PHF14: variants seen among roughly 807,000 people sequenced by gnomAD.
PHF14 encodes the protein PHD finger protein 14.
A neutral mutation model predicts 117.9 loss-of-function variants in PHF14; 55 were observed. That is an observed-to-expected ratio of 0.47 (90% CI 0.38 to 0.58). The LOEUF is 0.58. Ranked by LOEUF, PHF14 falls within the 20% of genes least tolerant of loss-of-function variation. The probability of loss-of-function intolerance (pLI) is 0.00; values close to 1 mark genes in which losing one functional copy is unlikely to be tolerated. For missense variants in PHF14, 978 were observed against 1,122.2 expected, an observed-to-expected ratio of 0.87 and a Z score of 1.84; for synonymous variants, 409 against 368.6, an observed-to-expected ratio of 1.11 and a Z score of -1.26.
At chr7:11,064,311 C>G (rs112671182) in intron 16 of PHF14, among the ~76,000 whole-genome samples, 1 of 151,822 alleles carries the variant, frequency 6.6e-6, no homozygotes, top group Non-Finnish European at 1.5e-5. Flanking sequence ...AATCACCCCC[C>G]AAAAGTCTAC....
At chr7:11,033,396 T>C (rs1334016081) in intron 7 of PHF14, among the ~76,000 whole-genome samples, 1 of 152,162 alleles carries the variant, frequency 6.6e-6, no homozygotes, top group Non-Finnish European at 1.5e-5. Flanking sequence ...TATCACCATC[T>C]TGACTGGATT....
Position 11,074,508 on chromosome 7 carries a change from C to A in PHF14, c.2654+12423C>A, listed in dbSNP as rs1245094361. ...TACAGGCATGAGCCACCGTGCCTGG[C>A]CCCGTTAGTTCCAACTTTAAGTCAT... On this transcript the variant is annotated intron_variant, in intron 16 of 17. Coordinates refer to ENST00000634607, the MANE Select transcript of PHF14 (RefSeq NM_001007157.2). Among the ~76,000 whole-genome samples the A allele has an allele frequency of 2.0e-5, 3 of 152,180 alleles. No individual in the cohort carries two copies. In the East Asian group the frequency reaches 5.8e-4, roughly 29 times the overall value.
At chr7:10,987,806 G>A (rs1007745406) in intron 3 of PHF14, among the ~76,000 whole-genome samples, 13 of 151,818 alleles carry the variant, frequency 8.6e-5, no homozygotes, top group Non-Finnish European at 2.9e-5. Context: ...TAATAAATCA[G>A]GTTTTGTATT....
intron 7 of PHF14, among the ~76,000 whole-genome samples, chr7:11,032,391 T>C (rs1320503831): frequency 6.6e-6 from 1 of 152,196 alleles, no homozygotes; most frequent in East Asian, 1.9e-4. Context: ...TACACTGTTT[T>C]TACAAGTGCC....
intron 16 of PHF14, chr7:11,107,101 C>T (rs542249845): frequency 3.1e-6 from 3 of 982,708 alleles, no homozygotes; most frequent in Admixed American, 1.2e-4. Flanking sequence ...TTGTAGTTTA[C>T]TCCTCTAATG....
At chr7:11,016,628 A>G (rs1481535128) in intron 5 of PHF14, among the ~76,000 whole-genome samples, 1 of 152,082 alleles carries the variant, frequency 6.6e-6, no homozygotes, top group Non-Finnish European at 1.5e-5. Context: ...CATAGTAGAT[A>G]TGTATATTCA....
In PHF14 at chr7:11,042,369, TA is replaced by T. The variant is rs539425594; in HGVS notation, c.2181-312del. Among the ~76,000 whole-genome samples, 159 of 152,062 alleles carry T rather than the reference TA, an allele frequency of 1.0e-3. 1 individual carries two copies. The highest frequency in any genetic ancestry group is 3.7e-3 in the African/African-American group (155 of 41,568). On this transcript the variant is annotated intron_variant, in intron 12 of 17. Transcript: ENST00000634607. ...GAACTAATGTGAAATGGGTTTTAAG[TA>T]ATAACTAAAATTAAAATGAATATGA... is the stretch of plus-strand genomic sequence containing the variant.
At chr7:11,075,573 T>G (rs955317284) in intron 16 of PHF14, among the ~76,000 whole-genome samples, 2 of 146,800 alleles carry the variant, frequency 1.4e-5, no homozygotes, top group Non-Finnish European at 3.0e-5. Context: ...GGTTTTTTTT[T>G]TTTTTTTTTT....
chr7:11,101,851 C>T (rs1787105616), intron 16 of PHF14, among the ~76,000 whole-genome samples: 1 of 151,676 alleles, frequency 6.6e-6, no homozygotes, highest in African/African-American at 2.4e-5. Flanking sequence ...TTACCCCAGT[C>T]AAAAAATTTT....
chr7:11,005,787 CTT>C (rs951270672), intron 4 of PHF14, among the ~76,000 whole-genome samples: 3 of 84,468 alleles, frequency 3.6e-5, no homozygotes, highest in East Asian at 3.9e-4. Flanking sequence ...AGTAAAAATT[CTT>C]TTTTTTTTTT....
intron 12 of PHF14, among the ~76,000 whole-genome samples, 180 bp downstream of exon 12, chr7:11,040,955 G>A (rs1004519429): frequency 2.0e-5 from 3 of 151,964 alleles, no homozygotes; most frequent in African/African-American, 4.8e-5. Flanking sequence ...GGAGATTTTT[G>A]TTGCTGTTTT....
chr7:11,097,714 T>G (rs557265020), intron 16 of PHF14, among the ~76,000 whole-genome samples: 2 of 152,354 alleles, frequency 1.3e-5, no homozygotes, highest in South Asian at 4.1e-4. Flanking sequence ...CTTCACATTC[T>G]CAAAGTTCAT....
intron 16 of PHF14, among the ~76,000 whole-genome samples, chr7:11,085,423 T>A (rs1410483109): frequency 6.6e-6 from 1 of 152,202 alleles, no homozygotes; most frequent in Non-Finnish European, 1.5e-5. Context: ...GATGTAACCT[T>A]TTGTGTAATG....
chr7:11,035,783 A>G lies in PHF14; in HGVS notation c.1599A>G (p.Ala533=), dbSNP rs755938681. ...QEREKQLSPE[A]QARINARLQQ... is the part of the protein sequence containing the mutation. ...GAGAGAAGCAACTATCACCAGAAGC[A>G]CAGGTATGGGATTCATGTCAAAACC... Residue 533 remains alanine, a synonymous_variant, in exon 8 of 18, where the codon GCA becomes GCG. Coordinates refer to ENST00000634607, the MANE Select transcript of PHF14 (RefSeq NM_001007157.2). 4 of 1,599,790 alleles carry G rather than the reference A, an allele frequency of 2.5e-6. No individual in the cohort carries two copies. The highest frequency in any genetic ancestry group is 3.4e-6 in the Non-Finnish European group (4 of 1,172,280).
intron 17 of PHF14, among the ~76,000 whole-genome samples, chr7:11,155,910 A>G (rs1788833504): frequency 6.6e-6 from 1 of 152,170 alleles, no homozygotes; most frequent in Non-Finnish European, 1.5e-5. Flanking sequence ...TTTATTTTAT[A>G]AAATAATTTT....
intron 17 of PHF14, among the ~76,000 whole-genome samples, chr7:11,123,065 G>A (rs903465491): frequency 8.6e-5 from 13 of 151,988 alleles, no homozygotes; most frequent in African/African-American, 3.1e-4. Flanking sequence ...TTTTCTTAGC[G>A]GACCATTTCT....
Position 11,104,048 on chromosome 7 carries a change from T to C in PHF14, c.2655-7302T>C, listed in dbSNP as rs1027960801. The C allele has an allele frequency of 1.9e-5, 19 of 984,594 alleles. No individual in the cohort carries two copies. The African/African-American group carries it at 3.0e-4, about 15-fold the overall frequency. 61.0% of individuals were successfully genotyped at this position (984,594 alleles called of 1,614,324 possible). On this transcript the variant is annotated intron_variant, in intron 16 of 17. Transcript: ENST00000634607. ...AGATTGCCATTTTCTAAGTGGAATA[T>C]ACTAATCCATTAGACCATGGCCCTC...
intron 16 of PHF14, chr7:11,062,331 C>T (rs563842134): frequency 1.1e-5 from 3 of 273,014 alleles, no homozygotes; most frequent in South Asian, 2.2e-4. Context: ...TTTCTCTTGA[C>T]AAGAGAAATT....
chr7:11,064,517 T>C (rs62440480), intron 16 of PHF14, among the ~76,000 whole-genome samples: 57,597 of 151,726 alleles, frequency 0.38, 11,405 homozygotes, highest in East Asian at 0.75. Context: ...TTTAATATAC[T>C]GTGTTTACTT....
Sources: gnomAD v4.1 joint callset for allele counts (sites outside exome capture counted in the v4.1 genomes callset) on GRCh38, gnomAD v4.1.1 for gene constraint, MANE v1.5 for transcripts, NCBI Gene and HGNC (gene_info 2026-07-23, HGNC 2026-07-21) for gene names.